The following ARHGAP18 variants were observed in gnomAD, a reference collection of about 807,000 sequenced individuals.
ARHGAP18 encodes rho GTPase-activating protein 18.
In ARHGAP18, 67 loss-of-function variants were observed where a neutral mutation model predicts 86.2. The observed-to-expected ratio is 0.78, with a 90% CI of 0.64 to 0.95. ARHGAP18 has a LOEUF of 0.95. ARHGAP18 is among the 40% of genes least tolerant of loss of function. ARHGAP18 has a pLI of 0.00. For missense variants in ARHGAP18, 691 were observed against 780.4 expected, an observed-to-expected ratio of 0.89 and a Z score of 1.37; for synonymous variants, 283 against 280.4, an observed-to-expected ratio of 1.01 and a Z score of -0.09.
intron 1 of ARHGAP18, among the ~76,000 whole-genome samples, chr6:129,665,179 C>A (rs1170582745): frequency 1.3e-5 from 2 of 152,154 alleles, no homozygotes; most frequent in Admixed American, 6.5e-5. Flanking sequence ...CACAATACAG[C>A]AAAGTAGAAC....
chr6:129,594,598 T>TA (rs1788579287), intron 12 of ARHGAP18, among the ~76,000 whole-genome samples: 1 of 152,186 alleles, frequency 6.6e-6, no homozygotes, highest in Non-Finnish European at 1.5e-5. Flanking sequence ...TTCAGGCCCC[T>TA]GTAGCCGACT....
At chr6:129,686,788 C>CTTTTT (rs553951472) in intron 1 of ARHGAP18, among the ~76,000 whole-genome samples, 8 of 117,490 alleles carry the variant, frequency 6.8e-5, no homozygotes, top group East Asian at 2.3e-4. Flanking sequence ...CTAATAAAAC[C>CTTTTT]TTTTTTTTTT....
chr6:129,580,903 T>G (rs1041713982), intron 13 of ARHGAP18, among the ~76,000 whole-genome samples: 3 of 152,030 alleles, frequency 2.0e-5, no homozygotes, highest in Non-Finnish European at 4.4e-5. Flanking sequence ...AATAAGCCAT[T>G]CTCTTCTGTC....
chr6:129,706,277 G>T (rs927025037), intron 1 of ARHGAP18, among the ~76,000 whole-genome samples: 9 of 152,028 alleles, frequency 5.9e-5, no homozygotes, highest in Admixed American at 2.0e-4. Flanking sequence ...AGTAAACAAA[G>T]TCTTATAAAT....
intron 1 of ARHGAP18, among the ~76,000 whole-genome samples, chr6:129,651,802 A>G (rs1773716456): frequency 6.6e-6 from 1 of 152,202 alleles, no homozygotes; most frequent in South Asian, 2.1e-4. Context: ...TAACATCTAT[A>G]GCTCCTTGCT....
chr6:129,649,383 G>A (rs998544423), intron 1 of ARHGAP18, among the ~76,000 whole-genome samples: 1 of 151,782 alleles, frequency 6.6e-6, no homozygotes, highest in Non-Finnish European at 1.5e-5. Context: ...GCGAAACCTC[G>A]TCTCTATTAA....
chr6:129,642,313 C>A (rs1025635020), intron 1 of ARHGAP18, among the ~76,000 whole-genome samples: 1 of 152,156 alleles, frequency 6.6e-6, no homozygotes, highest in Admixed American at 6.5e-5. Flanking sequence ...GCGACAAGGT[C>A]TTGCTCTGTT....
intron 1 of ARHGAP18, among the ~76,000 whole-genome samples, chr6:129,650,247 A>G (rs1014342240): frequency 1.3e-5 from 2 of 152,024 alleles, no homozygotes; most frequent in Non-Finnish European, 2.9e-5. Context: ...TGACATCACT[A>G]AAAGAATAGG....
At chr6:129,592,026 A>G (rs1205595415) in intron 12 of ARHGAP18, among the ~76,000 whole-genome samples, 3 of 152,252 alleles carry the variant, frequency 2.0e-5, no homozygotes, top group Non-Finnish European at 4.4e-5. Flanking sequence ...ACAGATTCAG[A>G]GGATTTTAAA....
intron 1 of ARHGAP18, among the ~76,000 whole-genome samples, chr6:129,672,109 G>T: frequency 6.6e-6 from 1 of 151,918 alleles, no homozygotes; most frequent in East Asian, 1.9e-4. Context: ...ACACACACAC[G>T]CTTCCTCTCC....
intron 12 of ARHGAP18, among the ~76,000 whole-genome samples, chr6:129,585,672 C>G (rs1788383371): frequency 6.6e-6 from 1 of 152,232 alleles, no homozygotes; most frequent in African/African-American, 2.4e-5. Flanking sequence ...CCACAGAACA[C>G]ATTACTCCAA....
intron 1 of ARHGAP18, among the ~76,000 whole-genome samples, chr6:129,679,519 G>A (rs1051170321): frequency 2.6e-5 from 4 of 152,158 alleles, no homozygotes; most frequent in African/African-American, 9.7e-5. Context: ...AGCCAAACAC[G>A]ATCCCAGATT....
At chr6:129,644,507 G>A (rs74426123) in intron 1 of ARHGAP18, among the ~76,000 whole-genome samples, 32 of 151,942 alleles carry the variant, frequency 2.1e-4, no homozygotes, top group African/African-American at 5.6e-4. Context: ...TTCATTTTTC[G>A]TATTGCATGT....
chr6:129,597,955 A>G (rs148352564), intron 12 of ARHGAP18, among the ~76,000 whole-genome samples: 2 of 152,288 alleles, frequency 1.3e-5, no homozygotes, highest in Admixed American at 1.3e-4. Context: ...TAAACGTTTC[A>G]GTTTTTCTAA....
chr6:129,701,596 C>A (rs1774711812), intron 1 of ARHGAP18, among the ~76,000 whole-genome samples: 1 of 151,974 alleles, frequency 6.6e-6, no homozygotes. Flanking sequence ...ATGGTGAAAC[C>A]CCATCTCTAC....
rs556558295 is a variant in ARHGAP18 at position 129,689,314 on chromosome 6, G to T, written c.113+20710C>A. 1.4e-4 allele frequency among the ~76,000 whole-genome samples: 21 copies of T among 152,142 alleles called. 1 individual carries two copies. Among genetic ancestry groups the T allele is most frequent in the African/African-American group, 4.6e-4 (19 of 41,506 alleles). On this transcript the variant is annotated intron_variant, in intron 1 of 14. Coordinates refer to ENST00000368149, the MANE Select transcript of ARHGAP18 (RefSeq NM_033515.3). ...TGGTTTTGTTTTTTGTCTTTTTTGA[G>T]ACTAAGTCTCACTCTGTCACCCAAG...
At chr6:129,651,651 C>G (rs1414796829) in intron 1 of ARHGAP18, among the ~76,000 whole-genome samples, 1 of 152,112 alleles carries the variant, frequency 6.6e-6, no homozygotes, top group Non-Finnish European at 1.5e-5. Context: ...AGGATTGTCC[C>G]TAACACTCCT....
chr6:129,588,341 CCT>C (rs1562678179), intron 12 of ARHGAP18, among the ~76,000 whole-genome samples: 1 of 152,176 alleles, frequency 6.6e-6, no homozygotes, highest in Non-Finnish European at 1.5e-5. Context: ...GTCTTGAACC[CCT>C]GACCTCAAGT....
Position 129,585,020 on chromosome 6 carries a change from C to CTT in ARHGAP18, c.1714-910_1714-909dup, listed in dbSNP as rs59934135. Among the ~76,000 whole-genome samples the CTT allele has an allele frequency of 3.1e-4, 44 of 143,096 alleles. No homozygotes were observed. The East Asian group carries it at 3.8e-3, about 12-fold the overall frequency. 93.9% of individuals were successfully genotyped at this position (143,096 alleles called of 152,430 possible). Reference sequence around the variant, plus strand: ...AACTTTGTGCCCACAATATCATGTCCTTTTTTTTTTTTTTTTAATGTACAT... The same window carrying CTT: ...AACTTTGTGCCCACAATATCATGTCCTTTTTTTTTTTTTTTTTTAATGTACAT... On this transcript the variant is annotated intron_variant, in intron 12 of 14. Coordinates refer to ENST00000368149, the MANE Select transcript of ARHGAP18 (RefSeq NM_033515.3).
Sources: gnomAD v4.1 joint callset for allele counts (sites outside exome capture counted in the v4.1 genomes callset) on GRCh38, gnomAD v4.1.1 for gene constraint, MANE v1.5 for transcripts, NCBI Gene and HGNC (gene_info 2026-07-23, HGNC 2026-07-21) for gene names.